COL5A3: variants seen among roughly 807,000 people sequenced by gnomAD.
COL5A3 encodes collagen type V alpha 3 chain, also known as collagen alpha-3(V) chain.
A neutral mutation model predicts 250.0 loss-of-function variants in COL5A3; 172 were observed. That is an observed-to-expected ratio of 0.69 (90% CI 0.61 to 0.78). COL5A3 has a LOEUF of 0.78. COL5A3 is among the 30% of genes least tolerant of loss of function. COL5A3 has a pLI of 0.00. For missense variants in COL5A3, 2,340 were observed against 2,334.4 expected, an observed-to-expected ratio of 1.00 and a Z score of -0.05; for synonymous variants, 937 against 900.4, an observed-to-expected ratio of 1.04 and a Z score of -0.73.
At chr19:9,974,129 C>T (rs757201014) in intron 47 of COL5A3, 42 bp downstream of exon 47, 9 of 1,600,402 alleles carry the variant, frequency 5.6e-6, no homozygotes, top group Non-Finnish European at 6.8e-6. Context: ...AACCTATAAC[C>T]CCACCATCCT....
intron 35 of COL5A3, 103 bp downstream of exon 35, chr19:9,980,545 T>A: frequency 1.4e-6 from 2 of 1,475,710 alleles, no homozygotes; most frequent in Non-Finnish European, 1.8e-6. Flanking sequence ...CTCTTACCAC[T>A]GCATTATAAT....
chr19:9,998,194 T>G lies in COL5A3; in HGVS notation c.1111-45A>C, dbSNP rs753639154. 3.2e-6 allele frequency: 5 copies of G among 1,568,870 alleles called. No individual in the cohort carries two copies. In the South Asian group the frequency reaches 5.9e-5, roughly 19 times the overall value. On this transcript the variant is annotated intron_variant, in intron 8 of 66. Coordinates refer to ENST00000264828, the MANE Select transcript of COL5A3 (RefSeq NM_015719.4). The stretch of plus-strand genomic sequence containing the variant: ...GATGGAGAGAAAAGAGATGTGAACT[T>G]GGACATAAGCCCTTCAGTTATCTGA...
intron 64 of COL5A3, among the ~76,000 whole-genome samples, chr19:9,965,256 G>A (rs995530284): frequency 1.4e-5 from 2 of 147,410 alleles, no homozygotes; most frequent in African/African-American, 5.0e-5. Flanking sequence ...CTGGGTTCAC[G>A]CCATCCTCCT....
intron 64 of COL5A3, 67 bp from the exon 65 acceptor site, chr19:9,962,954 T>C: frequency 1.7e-6 from 2 of 1,182,204 alleles, no homozygotes; most frequent in Non-Finnish European, 2.5e-6. Flanking sequence ...CATCTGCATT[T>C]CCCTCCTCAC....
rs757671945 is a variant in COL5A3, at chr19:10,001,725, C to G, written c.963+43G>C. 4 of 1,612,572 alleles carry G rather than the reference C, an allele frequency of 2.5e-6. No homozygotes were observed. The African/African-American group carries it at 5.3e-5, about 22-fold the overall frequency. On this transcript the variant is annotated intron_variant, in intron 7 of 66. Coordinates refer to ENST00000264828, the MANE Select transcript of COL5A3 (RefSeq NM_015719.4). Reference sequence around the variant, plus strand: ...CCCTGACCTCCTTATTTTCTGCCACCCCCGTAACCCTTGGGGTCTCCCCTC... The same window carrying G: ...CCCTGACCTCCTTATTTTCTGCCACGCCCGTAACCCTTGGGGTCTCCCCTC...
intron 61 of COL5A3, 124 bp from the exon 62 acceptor site, chr19:9,967,524 T>G: frequency 1.4e-6 from 1 of 705,128 alleles, no homozygotes; most frequent in Non-Finnish European, 2.4e-6. Flanking sequence ...CACACTCACA[T>G]ACACACTCAC....
intron 31 of COL5A3, among the ~76,000 whole-genome samples, 154 bp downstream of exon 31, chr19:9,985,688 G>A (rs1568420203): frequency 6.6e-6 from 1 of 152,124 alleles, no homozygotes; most frequent in African/African-American, 2.4e-5. Flanking sequence ...TTATAGCCAA[G>A]AGCCACTATG....
In COL5A3 at chr19:9,970,678, G is replaced by A. The variant is rs991599057; in HGVS notation, c.3883-3C>T. The A allele has an allele frequency of 2.8e-6, 4 of 1,436,744 alleles. No homozygotes were observed. The African/African-American group carries it at 5.8e-5, about 21-fold the overall frequency. The allele number at this position is 1,436,744 out of a possible 1,614,324, so 89.0% of individuals were successfully genotyped here. On this transcript the variant is annotated splice_region_variant and splice_polypyrimidine_tract_variant and intron_variant, in intron 53 of 66. Transcript: ENST00000264828. ...TCCCCAGAAGCTCCAGGCGGACCCT[G>A]GAGGAGACAAGGACACCAGCTGTGG...
chr19:9,969,857 AG>A lies in COL5A3; in HGVS notation c.3990+11del, dbSNP rs2086803630. ...TAGTGCAGGGACCCTTCCCCTTGCC[AG>A]GGGGACTCACCTTGGCACCTTTCTC... is the stretch of plus-strand genomic sequence containing the variant. On this transcript the variant is annotated intron_variant, in intron 55 of 66. Transcript: ENST00000264828. 1.2e-6 allele frequency: 2 copies of A among 1,613,576 alleles called. No homozygotes were observed. Among genetic ancestry groups the A allele is most frequent in the African/African-American group, 2.7e-5 (2 of 74,824 alleles).
At chr19:9,994,844 C>T (rs59632972) in intron 16 of COL5A3, among the ~76,000 whole-genome samples, 39,531 of 151,464 alleles carry the variant, frequency 0.26, 7,421 homozygotes, top group African/African-American at 0.53. Context: ...TGTCTAAACA[C>T]ATCCAAACAT....
intron 16 of COL5A3, among the ~76,000 whole-genome samples, chr19:9,995,200 G>T (rs192439481): frequency 1.3e-3 from 198 of 152,258 alleles, no homozygotes; most frequent in Admixed American, 3.1e-3. Flanking sequence ...GAGCCACTGC[G>T]CGCAGCCAAT....
intron 45 of COL5A3, 102 bp from the exon 46 acceptor site, chr19:9,974,510 T>G: frequency 1.2e-6 from 1 of 868,062 alleles, no homozygotes; most frequent in South Asian, 1.9e-5. Context: ...GAGTCAGGGT[T>G]CAGATTAAGT....
chr19:9,966,590 G>T lies in COL5A3; in HGVS notation c.4615C>A (p.Arg1539Ser). ...QLRRPPGTAERPGLVCHELHR... is the reference protein window; with the variant it reads ...QLRRPPGTAESPGLVCHELHR... ...AGCTCGTGGCACACGAGGCCCGGGC[G>T]CTCCGCAGTGCCGGGAGGACGCCGC... The change falls in exon 63 of 67, where the codon CGC (arginine) becomes AGC (serine). Residue 1539 changes from arginine to serine, a missense_variant. Arg to Ser is a moderately radical substitution (Grantham distance 110, BLOSUM62 -1). Transcript: ENST00000264828. 1 of 1,540,918 alleles carries T rather than the reference G, an allele frequency of 6.5e-7. No homozygotes were observed. The highest frequency in any genetic ancestry group is 1.2e-5 in the South Asian group (1 of 84,172).
rs1568434036 is a variant in COL5A3 at position 10,005,962 on chromosome 19, A to G, written c.271T>C (p.Ser91Pro). 2 of 1,613,894 alleles carry G rather than the reference A, an allele frequency of 1.2e-6. No homozygotes were observed. Among genetic ancestry groups the G allele is most frequent in the East Asian group, 4.5e-5 (2 of 44,884 alleles). ...FPEGHFPENF[S>P]LLITLRGQPA... ...TGTCCCCGCAAGGTGATCAGCAAGG[A>G]GAAGTTCTCAGGAAAGTGGCCTTCT... Residue 91 changes from serine to proline, a missense_variant, in exon 3 of 67, where the codon TCC becomes CCC. Ser to Pro is a moderately conservative substitution (Grantham distance 74). Around this residue, in one of 3 missense-constraint regions of COL5A3, gnomAD observed 1,152 missense variants for 1,146.3 expected, o/e 1.00. Coordinates refer to ENST00000264828, the MANE Select transcript of COL5A3 (RefSeq NM_015719.4).
intron 4 of COL5A3, 41 bp downstream of exon 4, chr19:10,005,516 TC>T: frequency 6.3e-7 from 1 of 1,598,458 alleles, no homozygotes; most frequent in Non-Finnish European, 8.6e-7. Flanking sequence ...AGACAAAACA[TC>T]CCACCCTCTG....
chr19:9,970,078 G>GA (rs2086809029), intron 54 of COL5A3, among the ~76,000 whole-genome samples, 156 bp from the exon 55 acceptor site: 1 of 66,056 alleles, frequency 1.5e-5, no homozygotes, highest in Admixed American at 1.2e-4. Flanking sequence ...GGGGCTGTGG[G>GA]TGAGTGGGGG....
intron 45 of COL5A3, among the ~76,000 whole-genome samples, chr19:9,975,297 A>G (rs62104332): frequency 1.3e-4 from 20 of 151,656 alleles, no homozygotes; most frequent in African/African-American, 4.8e-4. Context: ...CCAGGCTGAT[A>G]TTGAACTCCT....
rs1431329238 is a variant in COL5A3, at chr19:10,001,423, A to G, written c.1110+101T>C. 7 of 1,216,696 alleles carry G rather than the reference A, an allele frequency of 5.8e-6. No homozygotes were observed. The East Asian group carries it at 1.8e-4, about 31-fold the overall frequency. The allele number at this position is 1,216,696 out of a possible 1,614,324, so 75.4% of individuals were successfully genotyped here. On this transcript the variant is annotated intron_variant, in intron 8 of 66. Transcript: ENST00000264828. Reference sequence around the variant, plus strand: ...AGGTCTCCCAAAGTGTTCGGATTACAGGCGGGAGCCACTGCGCCCTGCCTA... The same window carrying G: ...AGGTCTCCCAAAGTGTTCGGATTACGGGCGGGAGCCACTGCGCCCTGCCTA...
At chr19:9,982,537 A>C (rs2087025674) in intron 31 of COL5A3, among the ~76,000 whole-genome samples, 1 of 152,092 alleles carries the variant, frequency 6.6e-6, no homozygotes, top group African/African-American at 2.4e-5. Context: ...TTATTGACTT[A>C]TTTATTCAAT....
Sources: allele counts gnomAD v4.1 joint callset (sites outside exome capture counted in the v4.1 genomes callset), GRCh38; gene constraint gnomAD v4.1.1; regional missense constraint gnomAD v4.1.1; transcripts MANE v1.5; gene names NCBI Gene and HGNC (gene_info 2026-07-23, HGNC 2026-07-21).